LRMDA: variants seen among roughly 807,000 people sequenced by gnomAD.
The protein encoded by LRMDA is leucine-rich melanocyte differentiation-associated protein.
A neutral mutation model predicts 29.8 loss-of-function variants in LRMDA; 18 were observed. The observed-to-expected ratio is 0.60, with a 90% confidence interval of 0.42 to 0.90. LRMDA has a LOEUF of 0.90. LRMDA is among the 40% of genes least tolerant of loss of function. LRMDA has a pLI of 0.00. For missense variants in LRMDA, 273 were observed against 273.9 expected, an observed-to-expected ratio of 1.00 and a Z score of 0.02; for synonymous variants, 125 against 109.4, an observed-to-expected ratio of 1.14 and a Z score of -0.89.
chr10:75,850,160 G>A (rs1397920687), intron 2 of LRMDA, among the ~76,000 whole-genome samples: 1 of 152,042 alleles, frequency 6.6e-6, no homozygotes, highest in African/African-American at 2.4e-5. Flanking sequence ...TTGATGGTCT[G>A]GCATCAGGCC....
chr10:75,553,573 G>T (rs968812202), intron 2 of LRMDA, among the ~76,000 whole-genome samples: 3 of 152,094 alleles, frequency 2.0e-5, no homozygotes, highest in Admixed American at 1.3e-4. Context: ...TGGGACTCTT[G>T]GGTAGGAGAG....
At chr10:76,343,497 A>G (rs750175361) in intron 6 of LRMDA, among the ~76,000 whole-genome samples, 2 of 152,194 alleles carry the variant, frequency 1.3e-5, no homozygotes, top group Admixed American at 6.5e-5. Context: ...TACTTTTTTT[A>G]GTAGATCTGA....
chr10:75,918,987 T>C (rs2132386598), intron 2 of LRMDA, among the ~76,000 whole-genome samples: 1 of 152,322 alleles, frequency 6.6e-6, no homozygotes, highest in Admixed American at 6.5e-5. Context: ...AACAGCTTTA[T>C]GAGTAGTTAC....
At chr10:76,204,175 A>G (rs1377973081) in intron 5 of LRMDA, among the ~76,000 whole-genome samples, 1 of 122,586 alleles carries the variant, frequency 8.2e-6, no homozygotes, top group Admixed American at 9.3e-5. Context: ...CCATCTCTCC[A>G]TGTGCCCATC....
chr10:76,467,022 T>G (rs1045951636), intron 6 of LRMDA, among the ~76,000 whole-genome samples: 2 of 152,216 alleles, frequency 1.3e-5, no homozygotes, highest in African/African-American at 4.8e-5. Flanking sequence ...CATTCGGTGT[T>G]TTAAAATTTT....
intron 6 of LRMDA, among the ~76,000 whole-genome samples, chr10:76,341,852 A>T (rs1282139306): frequency 6.6e-6 from 1 of 152,186 alleles, no homozygotes; most frequent in African/African-American, 2.4e-5. Flanking sequence ...AAGAGACAGG[A>T]AGACCCAGGC....
chr10:76,086,271 C>G (rs937813240), intron 5 of LRMDA, among the ~76,000 whole-genome samples: 2 of 152,190 alleles, frequency 1.3e-5, no homozygotes, highest in African/African-American at 2.4e-5. Flanking sequence ...ATACTTTCTG[C>G]CTTTCCTTCT....
intron 6 of LRMDA, among the ~76,000 whole-genome samples, chr10:76,458,735 G>A (rs1345525406): frequency 1.3e-5 from 2 of 152,190 alleles, no homozygotes; most frequent in East Asian, 3.9e-4. Context: ...AGGGGCCACA[G>A]AAATCTCCTC....
chr10:75,881,789 C>A (rs1387569496), intron 2 of LRMDA, among the ~76,000 whole-genome samples: 2 of 152,224 alleles, frequency 1.3e-5, no homozygotes, highest in Admixed American at 6.5e-5. Flanking sequence ...AGTGTACTTT[C>A]ATTTTCAATA....
chr10:76,340,110 T>TA lies in LRMDA; in HGVS notation c.601+15626dup, dbSNP rs781445369. Among the ~76,000 whole-genome samples the TA allele has an allele frequency of 4.6e-5, 7 of 152,280 alleles. No homozygotes were observed. The South Asian group carries it at 8.3e-4, about 18-fold the overall frequency. ...TAGTACTTCCTGACCAAGTAGGGTT[T>TA]ATCTCAATATTGAAAGGTTAGTTTA... On this transcript the variant is annotated intron_variant, in intron 6 of 6. Transcript: ENST00000611255.
At chr10:76,522,199 A>C (rs1167642547) in intron 6 of LRMDA, among the ~76,000 whole-genome samples, 1 of 152,152 alleles carries the variant, frequency 6.6e-6, no homozygotes, top group Non-Finnish European at 1.5e-5. Context: ...GTTCTTATCC[A>C]ATTAATTCAC....
chr10:76,536,210 A>G (rs1843289379), intron 6 of LRMDA, among the ~76,000 whole-genome samples: 1 of 152,220 alleles, frequency 6.6e-6, no homozygotes, highest in Non-Finnish European at 1.5e-5. Flanking sequence ...TATCATACCT[A>G]AGAAAATTAA....
chr10:75,782,886 T>G (rs1843409066), intron 2 of LRMDA: 1 of 1,599,746 alleles, frequency 6.3e-7, no homozygotes, highest in Admixed American at 1.7e-5. Flanking sequence ...GTGGAGTACC[T>G]GCTGTTGCTC....
At chr10:76,540,111 G>GAC (rs976718203) in intron 6 of LRMDA, among the ~76,000 whole-genome samples, 1 of 150,320 alleles carries the variant, frequency 6.7e-6, no homozygotes, top group East Asian at 1.9e-4. Flanking sequence ...ACACACAGAA[G>GAC]ACACACACAA....
At chr10:75,657,603 A>C (rs571493046) in intron 2 of LRMDA, among the ~76,000 whole-genome samples, 1 of 152,278 alleles carries the variant, frequency 6.6e-6, no homozygotes, top group East Asian at 1.9e-4. Flanking sequence ...CATCTGTAAA[A>C]TGGGGATAAC....
At chr10:75,795,339 G>A (rs781522874) in intron 2 of LRMDA, among the ~76,000 whole-genome samples, 1 of 152,104 alleles carries the variant, frequency 6.6e-6, no homozygotes, top group Non-Finnish European at 1.5e-5. Context: ...GTTGCAGTGA[G>A]CCGAGATTGC....
chr10:76,535,607 T>G (rs1265631628), intron 6 of LRMDA, among the ~76,000 whole-genome samples: 3 of 152,100 alleles, frequency 2.0e-5, no homozygotes, highest in African/African-American at 7.2e-5. Flanking sequence ...AGCCTCTTCC[T>G]CCTAAATTAT....
intron 6 of LRMDA, among the ~76,000 whole-genome samples, chr10:76,332,464 T>C (rs768234682): frequency 9.2e-5 from 14 of 152,158 alleles, no homozygotes; most frequent in Non-Finnish European, 1.6e-4. Context: ...ATCTGGTTTT[T>C]CTCTCCCAGA....
At chr10:76,417,659 G>A (rs895385729) in intron 6 of LRMDA, among the ~76,000 whole-genome samples, 2 of 152,128 alleles carry the variant, frequency 1.3e-5, no homozygotes, top group Non-Finnish European at 2.9e-5. Flanking sequence ...GATTTTTGTT[G>A]TTGTTGTTCA....
Sources: allele counts gnomAD v4.1 joint callset (sites outside exome capture counted in the v4.1 genomes callset), GRCh38; gene constraint gnomAD v4.1.1; transcripts MANE v1.5; gene names NCBI Gene and HGNC (gene_info 2026-07-23, HGNC 2026-07-21).